Variants in SH3GL2 observed in about 807,000 individuals in gnomAD.
SH3GL2 encodes the protein endophilin-A1.
SH3GL2 carries 24 observed loss-of-function variants against 46.0 expected under a neutral mutation model. That is an observed-to-expected ratio of 0.52 (90% CI 0.38 to 0.73). SH3GL2 has a LOEUF of 0.73. Among genes scored for constraint, SH3GL2 ranks in the 30% least tolerant of loss-of-function variants. The pLI, the probability that SH3GL2 is intolerant of heterozygous loss-of-function variation, is 0.00. For synonymous variants in SH3GL2, 196 were observed against 147.1 expected, an observed-to-expected ratio of 1.33 and a Z score of -2.40; for missense variants, 413 against 424.2, an observed-to-expected ratio of 0.97 and a Z score of 0.23.
chr9:17,760,460 T>A (rs1436842051), intron 2 of SH3GL2, among the ~76,000 whole-genome samples: 3 of 152,022 alleles, frequency 2.0e-5, no homozygotes, highest in Non-Finnish European at 2.9e-5. Context: ...TGGTATATAC[T>A]GATATTATAC....
rs192661493 is a variant in SH3GL2, at chr9:17,706,723, A to C, written c.46-40343A>C. Among the ~76,000 whole-genome samples, 41 of 152,002 alleles carry C rather than the reference A, an allele frequency of 2.7e-4. 1 individual carries two copies. The highest frequency in any genetic ancestry group is 1.3e-4 in the Non-Finnish European group (9 of 67,980). ...TTCCTCCTGGCTTTAGACATCTTAT[A>C]GGTGAGTCCCTTAGAGTTTTGGATC... On this transcript the variant is annotated intron_variant, in intron 1 of 8. Coordinates refer to ENST00000380607, the MANE Select transcript of SH3GL2 (RefSeq NM_003026.5).
chr9:17,586,772 C>A (rs1342257938), intron 1 of SH3GL2, among the ~76,000 whole-genome samples: 1 of 152,178 alleles, frequency 6.6e-6, no homozygotes, highest in Admixed American at 6.5e-5. Context: ...GATTCAATTA[C>A]CTCCCACCAG....
intron 3 of SH3GL2, among the ~76,000 whole-genome samples, chr9:17,769,555 T>C (rs1345690526): frequency 3.9e-5 from 6 of 152,114 alleles, no homozygotes; most frequent in Non-Finnish European, 8.8e-5. Context: ...TTCTTCTGCC[T>C]GGAACACTCT....
At chr9:17,740,478 ATTG>A (rs1362998000) in intron 1 of SH3GL2, among the ~76,000 whole-genome samples, 3 of 152,016 alleles carry the variant, frequency 2.0e-5, no homozygotes, top group Admixed American at 1.3e-4. Context: ...ATTGTATTGT[ATTG>A]TATTGTATTG....
At chr9:17,686,840 G>A (rs1820924752) in intron 1 of SH3GL2, among the ~76,000 whole-genome samples, 2 of 149,936 alleles carry the variant, frequency 1.3e-5, no homozygotes, top group Non-Finnish European at 3.0e-5. Context: ...CCTAATGCTA[G>A]ATGACGAGTT....
At chr9:17,700,295 C>T (rs73645145) in intron 1 of SH3GL2, among the ~76,000 whole-genome samples, 4,258 of 152,216 alleles carry the variant, frequency 0.028, 79 homozygotes, top group African/African-American at 0.043. Flanking sequence ...AAGGAATGGC[C>T]AGATTTTTCT....
At chr9:17,618,724 C>G (rs1819062830) in intron 1 of SH3GL2, among the ~76,000 whole-genome samples, 1 of 151,814 alleles carries the variant, frequency 6.6e-6, no homozygotes, top group Non-Finnish European at 1.5e-5. Flanking sequence ...CACTTTGGTC[C>G]CCAAAGGTTT....
chr9:17,726,840 TA>T (rs1387141309), intron 1 of SH3GL2, among the ~76,000 whole-genome samples: 5 of 152,128 alleles, frequency 3.3e-5, no homozygotes, highest in African/African-American at 1.2e-4. Context: ...GAAATTTTGG[TA>T]AACTGCAGAT....
At chr9:17,674,869 C>T (rs1392680896) in intron 1 of SH3GL2, among the ~76,000 whole-genome samples, 2 of 152,066 alleles carry the variant, frequency 1.3e-5, no homozygotes, top group African/African-American at 2.4e-5. Context: ...GAGGCCCAGG[C>T]CCGGGAAGTG....
At chr9:17,770,351 A>G (rs1823438096) in intron 3 of SH3GL2, among the ~76,000 whole-genome samples, 1 of 152,228 alleles carries the variant, frequency 6.6e-6, no homozygotes, top group Non-Finnish European at 1.5e-5. Flanking sequence ...ATCTTTATTC[A>G]GATATTACTA....
chr9:17,630,411 A>T (rs943332152), intron 1 of SH3GL2: 1 of 152,244 alleles, frequency 6.6e-6, no homozygotes, highest in Non-Finnish European at 1.5e-5. Flanking sequence ...ATACTTCTGG[A>T]TACGGCTCTG....
intron 1 of SH3GL2, among the ~76,000 whole-genome samples, chr9:17,666,566 GTGTGTGTGTGTGTA>G (rs1246940819): frequency 2.2e-5 from 3 of 136,116 alleles, no homozygotes; most frequent in Admixed American, 1.5e-4. Context: ...GTGTGTGTGT[GTGTGTGTGTGTGTA>G]TATACATTAA....
At chr9:17,703,756 G>A (rs936955138) in intron 1 of SH3GL2, among the ~76,000 whole-genome samples, 9 of 151,884 alleles carry the variant, frequency 5.9e-5, no homozygotes, top group African/African-American at 1.9e-4. Context: ...TTCAGCATCC[G>A]TTCATGTTAA....
intron 1 of SH3GL2, among the ~76,000 whole-genome samples, chr9:17,628,832 G>A (rs923704457): frequency 6.6e-6 from 1 of 151,998 alleles, no homozygotes; most frequent in African/African-American, 2.4e-5. Flanking sequence ...TAGGTTGCCA[G>A]CCAAAAATTG....
chr9:17,737,032 A>T (rs953747071), intron 1 of SH3GL2, among the ~76,000 whole-genome samples: 2 of 152,174 alleles, frequency 1.3e-5, no homozygotes, highest in African/African-American at 4.8e-5. Flanking sequence ...ATAAAAAAGG[A>T]TGAGTTCATG....
intron 1 of SH3GL2, among the ~76,000 whole-genome samples, chr9:17,707,792 A>G (rs878960362): frequency 6.6e-5 from 10 of 152,052 alleles, no homozygotes; most frequent in Admixed American, 2.6e-4. Flanking sequence ...GGTCCCTTAC[A>G]TAAGCCTGTT....
At chr9:17,633,392 G>T (rs779757453) in intron 1 of SH3GL2, among the ~76,000 whole-genome samples, 9 of 152,166 alleles carry the variant, frequency 5.9e-5, no homozygotes, top group Non-Finnish European at 1.0e-4. Flanking sequence ...AGTCATCCAT[G>T]TAAAAGCATG....
At chr9:17,668,912 C>T (rs1820406475) in intron 1 of SH3GL2, among the ~76,000 whole-genome samples, 1 of 152,202 alleles carries the variant, frequency 6.6e-6, no homozygotes, top group Non-Finnish European at 1.5e-5. Flanking sequence ...CCTGCCTTGG[C>T]ATCCGAGAGG....
chr9:17,690,174 C>T (rs1409345192), intron 1 of SH3GL2, among the ~76,000 whole-genome samples: 2 of 152,092 alleles, frequency 1.3e-5, no homozygotes. Context: ...TATGTCTACA[C>T]CCCCACAATA....
Sources: allele counts gnomAD v4.1 joint callset (sites outside exome capture counted in the v4.1 genomes callset), GRCh38; gene constraint gnomAD v4.1.1; transcripts MANE v1.5; gene names NCBI Gene and HGNC (gene_info 2026-07-23, HGNC 2026-07-21).